Variants in C3 observed in about 807,000 individuals in gnomAD.
C3 encodes complement C3, also known as C3 and PZP-like alpha-2-macroglobulin domain-containing protein 1.
A neutral mutation model predicts 207.9 loss-of-function variants in C3; 97 were observed. That is an observed-to-expected ratio of 0.47 (90% confidence interval 0.40 to 0.55). The LOEUF (loss-of-function observed/expected upper bound fraction) is 0.55. Ranked by LOEUF, C3 falls within the 20% of genes least tolerant of loss-of-function variation. C3 has a pLI of 0.00. For missense variants in C3, 1,684 were observed against 2,171.7 expected (o/e 0.78, Z 4.46); for synonymous variants, 848 against 857.6 (o/e 0.99, Z 0.20).
chr19:6,704,082 AGCCTGG>A (rs776648394), intron 17 of C3, among the ~76,000 whole-genome samples: 5 of 152,164 alleles, frequency 3.3e-5, no homozygotes, highest in Non-Finnish European at 7.3e-5. Flanking sequence ...GTTTGAGACC[AGCCTGG>A]GCAACACACT....
chr19:6,712,825 A>G (rs893403799), intron 9 of C3, among the ~76,000 whole-genome samples: 1 of 151,582 alleles, frequency 6.6e-6, no homozygotes, highest in African/African-American at 2.4e-5. Context: ...CAGACTTCAT[A>G]CTGGGCCTGT....
intron 24 of C3, 47 bp from the exon 25 acceptor site, chr19:6,693,534 AG>A: frequency 6.7e-7 from 1 of 1,498,058 alleles, no homozygotes; most frequent in Non-Finnish European, 9.0e-7. Context: ...GGCTGAGCAG[AG>A]GGGGCACGCC....
chr19:6,679,349 T>C lies in C3; in HGVS notation c.4546+58A>G, dbSNP rs344555. ...TGGGGGTCCCTGACCATGGGATAGA[T>C]GACCTGGGTAAGTGTGGCTTGCTCA... On this transcript the variant is annotated intron_variant, in intron 37 of 40. Transcript: ENST00000245907. 0.78 allele frequency: 1,152,011 copies of C among 1,484,326 alleles called. 449,094 individuals carry two copies. Among genetic ancestry groups the C allele is most frequent in the African/African-American group, 0.89 (64,704 of 72,370 alleles). The allele number at this position is 1,484,326 out of a possible 1,614,324, so 91.9% of individuals were successfully genotyped here. A position where few individuals can be genotyped will look rare whatever the true frequency, so the allele number is the denominator to read the frequency against.
chr19:6,714,787 G>A (rs113968853), intron 4 of C3, among the ~76,000 whole-genome samples: 19,946 of 152,114 alleles, frequency 0.13, 1,679 homozygotes, highest in East Asian at 0.47. Flanking sequence ...GCTTGAACCC[G>A]GGAGGCGGAG....
chr19:6,678,508 G>A, intron 38 of C3, 53 bp from the exon 39 acceptor site: 5 of 1,511,032 alleles, frequency 3.3e-6, no homozygotes, highest in Non-Finnish European at 4.6e-6. Context: ...ACCATGAGGG[G>A]CACCCTGGTT....
At position 6,714,220 on chromosome 19, in the gene C3, A is replaced by C; in HGVS notation, c.628T>G (p.Tyr210Asp). Residue 210 changes from tyrosine (Y) to aspartate (D), a missense_variant, in exon 6 of 41, where the codon TAT (tyrosine) becomes GAT (aspartate). Transcript: ENST00000245907. Reference sequence around the variant, plus strand: ...AAGACCTGCTGTGGTGAGTTTTCATAGTAGGCTCGGATCTTCCACTGGCCC... The same window carrying C: ...AAGACCTGCTGTGGTGAGTTTTCATCGTAGGCTCGGATCTTCCACTGGCCC... ...NMGQWKIRAYYENSPQQVFST... is the reference protein window; with the variant it reads ...NMGQWKIRAYDENSPQQVFST... 1 of 1,613,786 alleles carries C rather than the reference A, an allele frequency of 6.2e-7. No individual in the cohort carries two copies. The highest frequency in any genetic ancestry group is 1.1e-5 in the South Asian group (1 of 91,086).
intron 33 of C3, among the ~76,000 whole-genome samples, chr19:6,683,600 G>A (rs11569548): frequency 9.9e-4 from 151 of 151,786 alleles, no homozygotes; most frequent in African/African-American, 3.4e-3. Flanking sequence ...ACAGGCACCC[G>A]CCACCATGCC....
chr19:6,686,048 G>C, intron 29 of C3, 76 bp downstream of exon 29: 1 of 1,444,132 alleles, frequency 6.9e-7, no homozygotes. Flanking sequence ...CTGGGCCTCA[G>C]TGTCTTCTCT....
chr19:6,715,344 C>T (rs574709683), intron 4 of C3, among the ~76,000 whole-genome samples: 1 of 151,944 alleles, frequency 6.6e-6, no homozygotes, highest in Admixed American at 6.6e-5. Flanking sequence ...GATGTGGTGG[C>T]GCACGTCTGT....
rs571904147 is a variant in C3, at chr19:6,717,889, C to T, written c.504+205G>A. The T allele has an allele frequency of 1.3e-4, 82 of 646,504 alleles. No homozygotes were observed. In the Admixed American group the frequency reaches 1.7e-3, roughly 13 times the overall value. The allele number at this position is 646,504 out of a possible 1,614,324, so 40.0% of individuals were successfully genotyped here. ...GCACATGTGTCTGCATATCTCTTTGCCTCTGTGTGTGTATTGTGTGCTGTG... is the reference window on the plus strand; with the variant it reads ...GCACATGTGTCTGCATATCTCTTTGTCTCTGTGTGTGTATTGTGTGCTGTG... On this transcript the variant is annotated intron_variant, in intron 4 of 40. Coordinates refer to ENST00000245907, the MANE Select transcript of C3 (RefSeq NM_000064.4).
intron 25 of C3, 124 bp downstream of exon 25, chr19:6,693,288 C>T: frequency 8.8e-7 from 1 of 1,133,266 alleles, no homozygotes; most frequent in Non-Finnish European, 1.3e-6. Flanking sequence ...CTTGCCTGGA[C>T]TCTGCAGGTC....
chr19:6,697,060 A>AAAAAAG (rs1967553495), intron 21 of C3, among the ~76,000 whole-genome samples: 1 of 82,272 alleles, frequency 1.2e-5, no homozygotes, highest in Non-Finnish European at 2.4e-5. Context: ...AAACAAACAA[A>AAAAAAG]TAAATAAATA....
intron 33 of C3, 197 bp downstream of exon 33, chr19:6,684,191 C>T (rs1917938069): frequency 8.9e-6 from 6 of 676,388 alleles, no homozygotes; most frequent in Middle Eastern, 3.9e-4. Flanking sequence ...TCTCAGCTTA[C>T]GTGGTCATTG....
At chr19:6,702,362 G>T in intron 18 of C3, 109 bp downstream of exon 18, 1 of 977,800 alleles carries the variant, frequency 1.0e-6, no homozygotes, top group Non-Finnish European at 1.7e-6. Flanking sequence ...TTTCTAGGTT[G>T]GGCTGTGGGG....
chr19:6,694,148 T>G (rs11570241), intron 24 of C3, among the ~76,000 whole-genome samples: 1,373 of 80,582 alleles, frequency 0.017, 13 homozygotes, highest in East Asian at 0.028. Flanking sequence ...CTGGGAGGAG[T>G]CAGGGCCTCA....
Position 6,707,461 on chromosome 19 carries a change from C to A in C3, c.2047+5G>T. On this transcript the variant is annotated splice_donor_5th_base_variant and intron_variant, in intron 16 of 40. Coordinates refer to ENST00000245907, the MANE Select transcript of C3 (RefSeq NM_000064.4). ...GGGGCAGGAGTGGGTAGGAAAGGCT[C>A]CCACCTTTGTCCATTCGCTTCTCCG... 6.2e-7 allele frequency: 1 copy of A among 1,613,784 alleles called. No individual in the cohort carries two copies. The highest frequency in any genetic ancestry group is 8.5e-7 in the Non-Finnish European group (1 of 1,179,850).
rs1370309409 is a variant in C3 at position 6,697,358 on chromosome 19, A to G, written c.2782T>C (p.Ser928Pro). ...HHFISDGVRK[S>P]LKVVPEGIRM... is the part of the protein sequence containing the mutation. ...CAAGCACTCACCACGACCTTCAGGG[A>G]CTTCCTGACACCGTCACTGATGAAA... The change falls in exon 21 of 41, where the codon TCC (serine) becomes CCC (proline). Residue 928 changes from serine to proline, a missense_variant. Physicochemically the swap from Ser to Pro is moderately conservative, Grantham distance 74. Around this residue, in one of 3 missense-constraint regions of C3, gnomAD observed 1,280 missense variants for 1,739.1 expected, o/e 0.74. Coordinates refer to ENST00000245907, the MANE Select transcript of C3 (RefSeq NM_000064.4). 3 of 1,613,984 alleles carry G rather than the reference A, an allele frequency of 1.9e-6. No homozygotes were observed. Among genetic ancestry groups the G allele is most frequent in the Admixed American group, 1.7e-5 (1 of 59,992 alleles).
intron 36 of C3, 112 bp downstream of exon 36, chr19:6,680,046 C>T: frequency 1.3e-6 from 1 of 754,454 alleles, no homozygotes. Context: ...TACGAATGCT[C>T]AAATCCCTGG....
rs759470368 is a variant in C3 at position 6,684,370 on chromosome 19, G to C, written c.4172+18C>G. On this transcript the variant is annotated intron_variant, in intron 33 of 40. Coordinates refer to ENST00000245907, the MANE Select transcript of C3 (RefSeq NM_000064.4). Reference sequence around the variant, plus strand: ...TAGAGGGATGGCCAAGATGAACCCCGGTGACCTAGCTTCTTACCTGGTACA... The same window carrying C: ...TAGAGGGATGGCCAAGATGAACCCCCGTGACCTAGCTTCTTACCTGGTACA... The C allele has an allele frequency of 6.2e-7, 1 of 1,608,384 alleles. No individual in the cohort carries two copies. Among genetic ancestry groups the C allele is most frequent in the African/African-American group, 1.3e-5 (1 of 74,794 alleles).
Sources: gnomAD v4.1 joint callset for allele counts (sites outside exome capture counted in the v4.1 genomes callset) on GRCh38, gnomAD v4.1.1 for gene constraint, gnomAD v4.1.1 regional missense constraint, MANE v1.5 for transcripts, NCBI Gene and HGNC (gene_info 2026-07-23, HGNC 2026-07-21) for gene names.